Variants in TMPRSS9 observed in about 807,000 individuals in gnomAD.
TMPRSS9 encodes the protein transmembrane protease serine 9.
A neutral mutation model predicts 111.4 loss-of-function variants in TMPRSS9; 113 were observed. The ratio of observed to expected loss-of-function variants is 1.01; its 90% CI spans 0.87 to 1.19. TMPRSS9 has a LOEUF of 1.19. TMPRSS9 is among the 50% of genes most tolerant of loss of function. The pLI is 0.00. For missense variants in TMPRSS9, 1,803 were observed against 1,513.1 expected (o/e 1.19, Z -3.18); for synonymous variants, 805 against 659.1 (o/e 1.22, Z -3.39).
chr19:2,398,953 A>ATT, intron 3 of TMPRSS9, 65 bp from the exon 5 acceptor site: 1 of 1,552,088 alleles, frequency 6.4e-7, no homozygotes, highest in South Asian at 1.2e-5. Context: ...ATTCTAGAAG[A>ATT]TTCCAGAAGA....
intron 4 of TMPRSS9, among the ~76,000 whole-genome samples, chr19:2,400,911 G>A (rs1182924202): frequency 3.4e-5 from 5 of 149,178 alleles, no homozygotes; most frequent in Non-Finnish European, 7.4e-5. Context: ...TGGAGGTGGA[G>A]GTTGCAGTGA....
intron 17 of TMPRSS9, chr19:2,425,712 G>A (rs1295757870): frequency 8.5e-7 from 1 of 1,180,862 alleles, no homozygotes; most frequent in Non-Finnish European, 1.1e-6. Context: ...CGGCAGAGCA[G>A]GCAGAGGCTG....
chr19:2,374,132 T>C (rs1970311584), intron 1 of TMPRSS9, among the ~76,000 whole-genome samples: 1 of 152,016 alleles, frequency 6.6e-6, no homozygotes, highest in South Asian at 2.1e-4. Context: ...GCGGCTTCAC[T>C]GCTTTTCAAG....
intron 10 of TMPRSS9, among the ~76,000 whole-genome samples, chr19:2,414,568 T>C (rs1971178185): frequency 6.6e-6 from 1 of 151,610 alleles, no homozygotes; most frequent in Non-Finnish European, 1.5e-5. Flanking sequence ...TTTCAAATAG[T>C]TTGTACCCAG....
intron 1 of TMPRSS9, among the ~76,000 whole-genome samples, chr19:2,362,833 T>A (rs62120678): frequency 0.024 from 3,714 of 151,876 alleles, 60 homozygotes; most frequent in Middle Eastern, 0.058. Flanking sequence ...GTGTGTTTTG[T>A]GAGGGTGTGT....
intron 14 of TMPRSS9, 48 bp from the exon 16 acceptor site, chr19:2,424,041 G>A: frequency 8.0e-7 from 1 of 1,249,158 alleles, no homozygotes; most frequent in Non-Finnish European, 1.0e-6. Flanking sequence ...GGCCTTCGTG[G>A]AGGAGGTGCC....
At chr19:2,424,256 G>A in exon 15 of TMPRSS9, 6 of 1,374,764 alleles carry the variant, frequency 4.4e-6, no homozygotes, top group Non-Finnish European at 4.7e-6. Context: ...CTGCTTCGAC[G>A]TGTGAGTTCC....
chr19:2,397,109 CG>C (rs1283217260), intron 2 of TMPRSS9, among the ~76,000 whole-genome samples: 1 of 151,552 alleles, frequency 6.6e-6, no homozygotes, highest in Non-Finnish European at 1.5e-5. Flanking sequence ...TTAGTAGAGA[CG>C]GGGTTTCACC....
At chr19:2,404,426 C>G (rs1336722078) in intron 6 of TMPRSS9, among the ~76,000 whole-genome samples, 2 of 151,810 alleles carry the variant, frequency 1.3e-5, no homozygotes, top group African/African-American at 2.4e-5. Context: ...GCCTGTAATC[C>G]CAGCACTTTG....
chr19:2,426,134 G>A (rs780097451), exon 18 of TMPRSS9: 17 of 1,500,508 alleles, frequency 1.1e-5, no homozygotes, highest in Admixed American at 4.2e-5. Context: ...AAAGCAACAG[G>A]AGCAGCAGGC....
chr19:2,422,121 C>G, exon 14 of TMPRSS9: 1 of 1,598,310 alleles, frequency 6.3e-7, no homozygotes, highest in South Asian at 1.1e-5. Flanking sequence ...CAGACCCACC[C>G]CTGGGGCTGC....
At chr19:2,388,533 C>T (rs544438692), upstream of TMPRSS9, among the ~76,000 whole-genome samples, 2 of 152,328 alleles carry the variant, frequency 1.3e-5, no homozygotes, top group South Asian at 4.1e-4. Flanking sequence ...CCCAGAAGGG[C>T]CCAGGCCTGC....
chr19:2,415,234 C>T (rs545755066), intron 10 of TMPRSS9, among the ~76,000 whole-genome samples: 1 of 152,166 alleles, frequency 6.6e-6, no homozygotes, highest in East Asian at 1.9e-4. Context: ...CATGAGCCAC[C>T]GCGCCCGGCC....
intron 1 of TMPRSS9, among the ~76,000 whole-genome samples, chr19:2,395,683 C>T (rs1037517662): frequency 1.3e-5 from 2 of 151,706 alleles, no homozygotes; most frequent in African/African-American, 4.8e-5. Flanking sequence ...CCATTGCACT[C>T]CAGTGTGGGC....
chr19:2,418,366 C>T (rs369438500), intron 13 of TMPRSS9, among the ~76,000 whole-genome samples: 540 of 24,054 alleles, frequency 0.022, 18 homozygotes, highest in East Asian at 0.1. Context: ...TCCCTCCCTT[C>T]CCTTCCCTCC....
At chr19:2,388,498 G>C (rs1970520183), upstream of TMPRSS9, among the ~76,000 whole-genome samples, 1 of 152,194 alleles carries the variant, frequency 6.6e-6, no homozygotes, top group Non-Finnish European at 1.5e-5. Context: ...TGGTAAAGAT[G>C]GGAAACGTAT....
exon 18 of TMPRSS9, chr19:2,426,239 A>G (rs1022663001): frequency 3.9e-5 from 34 of 864,702 alleles, no homozygotes; most frequent in Non-Finnish European, 5.6e-5. Flanking sequence ...CTTTGTTCCA[A>G]TAAACACAGC....
chr19:2,402,891 C>T (rs1310143037), intron 5 of TMPRSS9, among the ~76,000 whole-genome samples, 191 bp from the exon 7 acceptor site: 1 of 152,152 alleles, frequency 6.6e-6, no homozygotes, highest in African/African-American at 2.4e-5. Flanking sequence ...GATTGCACCA[C>T]TGCACTCCCG....
At chr19:2,424,954 C>T (rs533247436) in intron 15 of TMPRSS9, 48 bp from the exon 17 acceptor site, 12 of 1,411,434 alleles carry the variant, frequency 8.5e-6, no homozygotes, top group East Asian at 3.0e-5. Flanking sequence ...GGGCGGGGGC[C>T]GGGGGCGTGG....
Sources: gnomAD v4.1 joint callset for allele counts (sites outside exome capture counted in the v4.1 genomes callset) on GRCh38, gnomAD v4.1.1 for gene constraint, MANE v1.5 for transcripts, NCBI Gene and HGNC (gene_info 2026-07-23, HGNC 2026-07-21) for gene names.